CBLN2: variants seen among roughly 807,000 people sequenced by gnomAD.
The protein encoded by CBLN2 is cerebellin-2.
Under a neutral mutation model 15.0 loss-of-function variants are expected in CBLN2, and 7 were observed. The observed-to-expected ratio is 0.47, with a 90% CI of 0.27 to 0.88. CBLN2 has a LOEUF of 0.88. Among genes scored for constraint, CBLN2 ranks in the 40% least tolerant of loss-of-function variants. The pLI is 0.14. For synonymous variants in CBLN2, 149 were observed against 135.2 expected (o/e 1.10, Z -0.71); for missense variants, 242 against 304.5 (o/e 0.79, Z 1.53).
At chr18:72,588,915 G>T (rs1221833792) in intron 1 of CBLN2, among the ~76,000 whole-genome samples, 2 of 152,224 alleles carry the variant, frequency 1.3e-5, no homozygotes, top group East Asian at 3.9e-4. Flanking sequence ...AGTGCGCGGA[G>T]ATGGGACTAA....
intron 1 of CBLN2, among the ~76,000 whole-genome samples, chr18:72,626,942 G>T (rs1025098110): frequency 6.6e-6 from 1 of 152,154 alleles, no homozygotes; most frequent in Non-Finnish European, 1.5e-5. Context: ...CTGCAGGTTT[G>T]CTTGCCCGTG....
chr18:72,572,327 C>T (rs960089335), intron 1 of CBLN2, among the ~76,000 whole-genome samples: 4 of 151,620 alleles, frequency 2.6e-5, no homozygotes, highest in African/African-American at 7.3e-5. Flanking sequence ...TGCAAAAATA[C>T]GAATATATTT....
intron 1 of CBLN2, among the ~76,000 whole-genome samples, chr18:72,609,177 T>C (rs1473066982): frequency 6.6e-6 from 1 of 152,180 alleles, no homozygotes; most frequent in East Asian, 1.9e-4. Flanking sequence ...AACTTACTAA[T>C]GCATTTGCAT....
chr18:72,629,491 C>A (rs755968056), intron 1 of CBLN2, among the ~76,000 whole-genome samples: 2 of 151,800 alleles, frequency 1.3e-5, no homozygotes, highest in African/African-American at 4.8e-5. Flanking sequence ...AAGCAATGGC[C>A]TAGTGACTTC....
At chr18:72,592,214 C>A (rs1050086022) in intron 1 of CBLN2, among the ~76,000 whole-genome samples, 1 of 151,970 alleles carries the variant, frequency 6.6e-6, no homozygotes, top group South Asian at 2.1e-4. Flanking sequence ...GAGATGATAT[C>A]TCATTGTAGT....
chr18:72,560,903 G>T (rs1357523013), intron 1 of CBLN2, among the ~76,000 whole-genome samples: 1 of 152,114 alleles, frequency 6.6e-6, no homozygotes, highest in Admixed American at 6.5e-5. Context: ...CAGCTACTTG[G>T]GAGGCTGAGG....
At chr18:72,560,543 C>G (rs1239464160) in intron 1 of CBLN2, among the ~76,000 whole-genome samples, 1 of 152,174 alleles carries the variant, frequency 6.6e-6, no homozygotes, top group East Asian at 1.9e-4. Flanking sequence ...GACTCATTCG[C>G]AAATTGCTCT....
chr18:72,542,502 C>T (rs531249533), intron 2 of CBLN2, among the ~76,000 whole-genome samples, 176 bp from the exon 3 acceptor site: 1 of 151,998 alleles, frequency 6.6e-6, no homozygotes, highest in Non-Finnish European at 1.5e-5. Context: ...AACGCCCGGG[C>T]GCAGCTGGCA....
intron 1 of CBLN2, among the ~76,000 whole-genome samples, chr18:72,634,532 G>A (rs1268237541): frequency 1.3e-5 from 2 of 152,070 alleles, no homozygotes; most frequent in Non-Finnish European, 2.9e-5. Flanking sequence ...CATAAGGCCT[G>A]AGGGAATTAC....
chr18:72,625,806 C>CTATATATA (rs1215798348), intron 1 of CBLN2, among the ~76,000 whole-genome samples: 1 of 59,786 alleles, frequency 1.7e-5, no homozygotes, highest in Non-Finnish European at 3.6e-5. Flanking sequence ...CTCTCTCTCT[C>CTATATATA]TCTCTCTCTC....
At chr18:72,571,032 T>A (rs2069329428) in intron 1 of CBLN2, among the ~76,000 whole-genome samples, 1 of 152,146 alleles carries the variant, frequency 6.6e-6, no homozygotes, top group South Asian at 2.1e-4. Flanking sequence ...TCATATTATA[T>A]ATGTATGTTT....
intron 1 of CBLN2, among the ~76,000 whole-genome samples, chr18:72,577,119 TG>T (rs2069373415): frequency 6.7e-6 from 1 of 149,700 alleles, no homozygotes; most frequent in Non-Finnish European, 1.5e-5. Flanking sequence ...AGAATGTTGA[TG>T]GCCATAGAAA....
intron 1 of CBLN2, among the ~76,000 whole-genome samples, chr18:72,602,248 A>G (rs1226211104): frequency 1.3e-5 from 2 of 152,170 alleles, no homozygotes; most frequent in African/African-American, 4.8e-5. Context: ...ACATCCTGGG[A>G]TCACACAGGC....
At chr18:72,550,457 G>A (rs2069185026) in intron 1 of CBLN2, among the ~76,000 whole-genome samples, 2 of 152,182 alleles carry the variant, frequency 1.3e-5, no homozygotes, top group Non-Finnish European at 2.9e-5. Flanking sequence ...TAAGTCAGAG[G>A]GTGGTGAGAG....
chr18:72,549,711 C>T lies in CBLN2; in HGVS notation c.16-10939G>A, dbSNP rs538864185. 4.6e-5 allele frequency among the ~76,000 whole-genome samples: 7 copies of T among 152,140 alleles called. No individual in the cohort carries two copies. In the South Asian group the frequency reaches 1.0e-3, roughly 23 times the overall value. ...TGTCTAAAACCCAATTTGGGCAAGA[C>T]AAATGAAGCATTACTGAGAAAACAG... is the stretch of plus-strand genomic sequence containing the variant. On this transcript the variant is annotated intron_variant, in intron 1 of 2. Transcript: ENST00000581073.
intron 2 of CBLN2, 140 bp from the exon 3 acceptor site, chr18:72,542,466 C>T (rs2069123633): frequency 5.5e-6 from 1 of 180,984 alleles, no homozygotes; most frequent in Non-Finnish European, 1.1e-5. Context: ...AACCCGCTTT[C>T]CGATCTGGCA....
rs185548977 is a variant in CBLN2, at chr18:72,629,711, G to A, written c.15+8614C>T. Among the ~76,000 whole-genome samples, 18 of 152,128 alleles carry A rather than the reference G, an allele frequency of 1.2e-4. No individual in the cohort carries two copies. The East Asian group carries it at 2.7e-3, about 23-fold the overall frequency. On this transcript the variant is annotated intron_variant, in intron 1 of 2. Transcript: ENST00000581073. ...TTTGGACTCTCGGAAAGCCTAGATG[G>A]CAATATTTCTCTAGTAACTTGACTT...
At chr18:72,569,793 T>G (rs12959806) in intron 1 of CBLN2, among the ~76,000 whole-genome samples, 1 of 151,822 alleles carries the variant, frequency 6.6e-6, no homozygotes, top group Non-Finnish European at 1.5e-5. Context: ...TGAGGGATTC[T>G]CCCCTACGAT....
chr18:72,607,269 C>T (rs1165036952), intron 1 of CBLN2, among the ~76,000 whole-genome samples: 3 of 152,164 alleles, frequency 2.0e-5, no homozygotes, highest in Non-Finnish European at 2.9e-5. Flanking sequence ...TTGTCTAAGC[C>T]ATCCAGTTTG....
Sources: gnomAD v4.1 joint callset for allele counts (sites outside exome capture counted in the v4.1 genomes callset) on GRCh38, gnomAD v4.1.1 for gene constraint, MANE v1.5 for transcripts, NCBI Gene and HGNC (gene_info 2026-07-23, HGNC 2026-07-21) for gene names.